The following MYO5C variants were observed in gnomAD, a reference collection of about 807,000 sequenced individuals.
The protein encoded by MYO5C is myosin VC.
In MYO5C, 194 loss-of-function variants were observed where a neutral mutation model predicts 235.7. The observed-to-expected ratio is 0.82, with a 90% CI of 0.73 to 0.93. The LOEUF (loss-of-function observed/expected upper bound fraction) is 0.93. MYO5C is among the 40% of genes least tolerant of loss of function. The probability of loss-of-function intolerance (pLI) is 0.00; values close to 1 mark genes in which losing one functional copy is unlikely to be tolerated. For missense variants in MYO5C, 2,038 were observed against 2,127.2 expected (o/e 0.96, Z 0.82); for synonymous variants, 707 against 754.8 (o/e 0.94, Z 1.04).
chr15:52,224,487 G>C (rs1222434149), intron 28 of MYO5C, among the ~76,000 whole-genome samples: 2 of 152,124 alleles, frequency 1.3e-5, no homozygotes, highest in Admixed American at 1.3e-4. Flanking sequence ...CAGTGGGGGA[G>C]GTTGTGTGTG....
chr15:52,271,947 T>C (rs1006040824), intron 6 of MYO5C, 103 bp from the exon 7 acceptor site: 15 of 615,292 alleles, frequency 2.4e-5, no homozygotes, highest in Non-Finnish European at 4.1e-5. Context: ...GCATGGATAA[T>C]TCTCTGTCTG....
At chr15:52,275,424 T>C in intron 5 of MYO5C, 138 bp downstream of exon 5, 1 of 1,022,826 alleles carries the variant, frequency 9.8e-7, no homozygotes, top group Non-Finnish European at 1.4e-6. Context: ...CACCAGCAAA[T>C]AGGCTTCCCG....
intron 25 of MYO5C, among the ~76,000 whole-genome samples, chr15:52,227,113 G>A (rs1331926602): frequency 6.6e-6 from 1 of 151,458 alleles, no homozygotes; most frequent in African/African-American, 2.4e-5. Flanking sequence ...TGGTGCCATT[G>A]CACTCCAGCC....
intron 20 of MYO5C, 38 bp downstream of exon 20, chr15:52,242,010 G>A (rs2036235504): frequency 1.0e-5 from 16 of 1,574,516 alleles, no homozygotes; most frequent in Non-Finnish European, 1.2e-5. Flanking sequence ...AGGAAGGCCC[G>A]TACACCCTCC....
intron 12 of MYO5C, among the ~76,000 whole-genome samples, chr15:52,251,922 C>T (rs1228802677): frequency 6.6e-6 from 1 of 152,112 alleles, no homozygotes; most frequent in Non-Finnish European, 1.5e-5. Flanking sequence ...ACCTTGGCCT[C>T]CCCAAAGTGC....
At chr15:52,241,188 C>T (rs1424437422) in intron 20 of MYO5C, among the ~76,000 whole-genome samples, 1 of 151,776 alleles carries the variant, frequency 6.6e-6, no homozygotes, top group African/African-American at 2.4e-5. Context: ...GAGTTGGACA[C>T]CCTGGACATC....
rs111967235 is a variant in MYO5C, at chr15:52,197,906, G to C, written c.4821-1423C>G. Among the ~76,000 whole-genome samples, 38 of 152,134 alleles carry C rather than the reference G, an allele frequency of 2.5e-4. 2 individuals carry two copies. Among genetic ancestry groups the C allele is most frequent in the African/African-American group, 8.4e-4 (35 of 41,502 alleles). On this transcript the variant is annotated intron_variant, in intron 38 of 40. Transcript: ENST00000261839. ...CTGCCTCAGCCTCCCAAAGCGCTGGGATTACAGGTGTGAGTGACTGTGCCT... is the reference window on the plus strand; with the variant it reads ...CTGCCTCAGCCTCCCAAAGCGCTGGCATTACAGGTGTGAGTGACTGTGCCT...
At chr15:52,242,022 T>C (rs1321166953) in intron 20 of MYO5C, 26 bp downstream of exon 20, 3 of 1,589,064 alleles carry the variant, frequency 1.9e-6, no homozygotes, top group Non-Finnish European at 2.6e-6. Context: ...ACACCCTCCC[T>C]TCCTCTAGAC....
chr15:52,256,603 C>CGCGCGCGG (rs1404013499), intron 11 of MYO5C, 36 bp downstream of exon 11: 1 of 650,546 alleles, frequency 1.5e-6, no homozygotes, highest in Non-Finnish European at 2.4e-6. Flanking sequence ...GCGCGCGCGG[C>CGCGCGCGG]TGAGAACTAG....
Position 52,256,633 on chromosome 15 carries a change from A to T in MYO5C, c.1395+6T>A. 3 of 1,589,248 alleles carry T rather than the reference A, an allele frequency of 1.9e-6. No individual in the cohort carries two copies. In the South Asian group the frequency reaches 3.3e-5, roughly 18 times the overall value. ...AACTAGTCAAGAAGGCAGAAAGGTC[A>T]CCTACCATGTTAAACTGTTGTTGCA... On this transcript the variant is annotated splice_donor_region_variant and intron_variant, in intron 11 of 40. Coordinates refer to ENST00000261839, the MANE Select transcript of MYO5C (RefSeq NM_018728.4).
At position 52,278,278 on chromosome 15, in the gene MYO5C, T is replaced by C. The variant is rs755746903; in HGVS notation, c.449+595A>G. Among the ~76,000 whole-genome samples, 17 of 152,234 alleles carry C rather than the reference T, an allele frequency of 1.1e-4. 1 individual carries two copies. Among genetic ancestry groups the C allele is most frequent in the Non-Finnish European group, 2.2e-4 (15 of 68,000 alleles). On this transcript the variant is annotated intron_variant, in intron 4 of 40. Coordinates refer to ENST00000261839, the MANE Select transcript of MYO5C (RefSeq NM_018728.4). ...CCTTTTACTTGCTGCCTACCCTGGG[T>C]TGGTTATTCCCTGAAGCTGTTTACT...
chr15:52,231,090 A>G (rs2035942646), intron 24 of MYO5C, among the ~76,000 whole-genome samples: 1 of 152,174 alleles, frequency 6.6e-6, no homozygotes, highest in South Asian at 2.1e-4. Flanking sequence ...GGCCTCCCAA[A>G]GTGCTGGGAT....
At chr15:52,230,959 C>G (rs943769542) in intron 24 of MYO5C, among the ~76,000 whole-genome samples, 1 of 151,642 alleles carries the variant, frequency 6.6e-6, no homozygotes, top group African/African-American at 2.4e-5. Flanking sequence ...TCCCAAGTAG[C>G]TGGGATTACA....
At chr15:52,282,933 A>G (rs771365068) in intron 1 of MYO5C, 41 bp from the exon 2 acceptor site, 3 of 1,290,598 alleles carry the variant, frequency 2.3e-6, no homozygotes, top group Admixed American at 1.7e-5. Context: ...CAGGACTTCC[A>G]AAATTATGGA....
intron 4 of MYO5C, among the ~76,000 whole-genome samples, chr15:52,276,101 C>G (rs1267064471): frequency 6.6e-6 from 1 of 152,112 alleles, no homozygotes; most frequent in Non-Finnish European, 1.5e-5. Flanking sequence ...TCCTGAGCAC[C>G]CTCTTTCTAG....
At chr15:52,213,697 T>A (rs1251480900) in intron 33 of MYO5C, among the ~76,000 whole-genome samples, 1 of 152,264 alleles carries the variant, frequency 6.6e-6, no homozygotes, top group Non-Finnish European at 1.5e-5. Flanking sequence ...TTCCTGTGGC[T>A]GCTGTAAAGT....
At chr15:52,295,387 G>T (rs1454845687) in intron 1 of MYO5C, among the ~76,000 whole-genome samples, 3 of 152,166 alleles carry the variant, frequency 2.0e-5, no homozygotes, top group African/African-American at 7.2e-5. Context: ...CTTACCCGCG[G>T]GCAGGGACGG....
rs1196998767 is a variant in MYO5C, at chr15:52,239,814, T to A, written c.2622A>T (p.Arg874Ser). 1 of 1,614,032 alleles carries A rather than the reference T, an allele frequency of 6.2e-7. No homozygotes were observed. The highest frequency in any genetic ancestry group is 1.7e-5 in the Admixed American group (1 of 60,012). ...KYARAWLARR[R>S]FQSIRRFVLN... Reference sequence around the variant, plus strand: ...GCACGAATCGTCGGATACTCTGGAATCTGCGTCTGGCCAGCCACGCCCGTG... The same window carrying A: ...GCACGAATCGTCGGATACTCTGGAAACTGCGTCTGGCCAGCCACGCCCGTG... The change falls in exon 21 of 41, where the codon AGA becomes AGT. Residue 874 changes from arginine to serine, a missense_variant. By Grantham distance (110) the Arg-to-Ser change is moderately radical. Coordinates refer to ENST00000261839, the MANE Select transcript of MYO5C (RefSeq NM_018728.4).
At chr15:52,287,112 A>G (rs2037292782) in intron 1 of MYO5C, among the ~76,000 whole-genome samples, 1 of 152,168 alleles carries the variant, frequency 6.6e-6, no homozygotes, top group African/African-American at 2.4e-5. Flanking sequence ...CACTGGATGG[A>G]TATCAATCAT....
Sources: allele counts gnomAD v4.1 joint callset (sites outside exome capture counted in the v4.1 genomes callset), GRCh38; gene constraint gnomAD v4.1.1; transcripts MANE v1.5; gene names NCBI Gene and HGNC (gene_info 2026-07-23, HGNC 2026-07-21).